JAZF1: variants seen among roughly 807,000 people sequenced by gnomAD.
JAZF1 encodes the protein JAZF zinc finger 1.
In JAZF1, 8 loss-of-function variants were observed where a neutral mutation model predicts 26.4. That is an observed-to-expected ratio of 0.30 (90% CI 0.18 to 0.55). The LOEUF (loss-of-function observed/expected upper bound fraction) is 0.55. Ranked by LOEUF, JAZF1 falls within the 20% of genes least tolerant of loss-of-function variation. The pLI is 0.94. For missense variants in JAZF1, 199 were observed against 322.0 expected (o/e 0.62, Z 2.92); for synonymous variants, 126 against 122.3 (o/e 1.03, Z -0.20).
rs66941633 is a variant in JAZF1, at chr7:27,861,600, G to GT, written c.386-20734dup. Among the ~76,000 whole-genome samples the GT allele has an allele frequency of 7.7e-4, 116 of 150,978 alleles. 1 individual carries two copies. Among genetic ancestry groups the GT allele is most frequent in the African/African-American group, 2.6e-3 (107 of 41,144 alleles). ...TTCTTCTCTCTGTAAGGAGAAGGTT[G>GT]TTGTTTTTATTTTCTCCTGCCCCAT... On this transcript the variant is annotated intron_variant, in intron 3 of 4. Transcript: ENST00000283928.
intron 1 of JAZF1, among the ~76,000 whole-genome samples, chr7:28,114,216 T>A (rs1485738339): frequency 1.3e-5 from 2 of 152,200 alleles, no homozygotes; most frequent in Non-Finnish European, 2.9e-5. Flanking sequence ...GAGCTGGCCA[T>A]GCTCCACTGA....
intron 2 of JAZF1, among the ~76,000 whole-genome samples, chr7:27,930,002 TTC>T (rs1236453947): frequency 1.3e-5 from 2 of 150,780 alleles, no homozygotes; most frequent in African/African-American, 4.9e-5. Context: ...CTCTCTTTCT[TTC>T]TTTCTTTTTG....
At chr7:28,133,487 G>A (rs1045221030) in intron 1 of JAZF1, among the ~76,000 whole-genome samples, 2 of 152,118 alleles carry the variant, frequency 1.3e-5, no homozygotes, top group Admixed American at 6.5e-5. Flanking sequence ...ATCCAGGAAA[G>A]AAAACAAATG....
chr7:28,112,961 G>A (rs553097176), intron 1 of JAZF1, among the ~76,000 whole-genome samples: 1 of 152,250 alleles, frequency 6.6e-6, no homozygotes, highest in South Asian at 2.1e-4. Context: ...AGCCTCTCCA[G>A]GGAGAAACTG....
intron 2 of JAZF1, among the ~76,000 whole-genome samples, chr7:27,902,390 T>G (rs557602910): frequency 5.3e-5 from 8 of 152,352 alleles, no homozygotes; most frequent in Non-Finnish European, 8.8e-5. Context: ...TAACAAAATA[T>G]GATGGTCATG....
At chr7:27,844,408 G>C (rs1220952023) in intron 3 of JAZF1, 1 of 152,160 alleles carries the variant, frequency 6.6e-6, no homozygotes, top group Non-Finnish European at 1.5e-5. Context: ...ACTCACTGCA[G>C]AATGAACAAA....
intron 1 of JAZF1, among the ~76,000 whole-genome samples, chr7:28,121,328 A>T (rs1185112891): frequency 6.6e-6 from 1 of 152,186 alleles, no homozygotes; most frequent in Non-Finnish European, 1.5e-5. Flanking sequence ...TGTTACCCTC[A>T]GCTAGAGGTA....
chr7:28,135,576 A>C (rs1024361289), intron 1 of JAZF1, among the ~76,000 whole-genome samples: 8 of 152,176 alleles, frequency 5.3e-5, no homozygotes, highest in Non-Finnish European at 1.2e-4. Context: ...ACCGCCCCCC[A>C]CACATGGACA....
chr7:27,866,681 A>T (rs1255432103), intron 3 of JAZF1, among the ~76,000 whole-genome samples: 1 of 152,206 alleles, frequency 6.6e-6, no homozygotes. Context: ...TCTAATTCGA[A>T]TTATCTGCCT....
intron 1 of JAZF1, among the ~76,000 whole-genome samples, chr7:28,015,179 C>A (rs772912716): frequency 6.6e-6 from 1 of 152,038 alleles, no homozygotes; most frequent in Non-Finnish European, 1.5e-5. Context: ...AGCACCTCGG[C>A]ATAGCTTTTC....
chr7:28,081,374 G>A (rs948541320), intron 1 of JAZF1, among the ~76,000 whole-genome samples: 4 of 152,222 alleles, frequency 2.6e-5, no homozygotes, highest in African/African-American at 9.7e-5. Flanking sequence ...CTGGGGGGCT[G>A]TGCCTGCAGA....
chr7:28,034,535 T>C (rs1207234239), intron 1 of JAZF1, among the ~76,000 whole-genome samples: 2 of 151,802 alleles, frequency 1.3e-5, no homozygotes, highest in South Asian at 2.1e-4. Context: ...GAGCATTTAA[T>C]ATTCACATTC....
chr7:28,038,888 C>A (rs934845210), intron 1 of JAZF1, among the ~76,000 whole-genome samples: 2 of 152,306 alleles, frequency 1.3e-5, no homozygotes, highest in South Asian at 2.1e-4. Context: ...GTACAAAAAA[C>A]CATGCTCATG....
At chr7:27,891,324 C>T (rs1455975884) in intron 3 of JAZF1, among the ~76,000 whole-genome samples, 1 of 152,148 alleles carries the variant, frequency 6.6e-6, no homozygotes, top group Non-Finnish European at 1.5e-5. Context: ...TTGCACATTA[C>T]AATGGCAAAG....
intron 1 of JAZF1, among the ~76,000 whole-genome samples, chr7:28,133,726 G>A (rs1782836788): frequency 6.6e-6 from 1 of 152,138 alleles, no homozygotes; most frequent in South Asian, 2.1e-4. Flanking sequence ...CAGTGTTCTA[G>A]CCATATGGGT....
intron 1 of JAZF1, among the ~76,000 whole-genome samples, chr7:28,030,888 T>G (rs1015147224): frequency 2.6e-5 from 4 of 152,198 alleles, no homozygotes; most frequent in African/African-American, 9.6e-5. Flanking sequence ...ACTGCCCCCA[T>G]GATAAAGATA....
chr7:28,149,862 C>A (rs558373191), intron 1 of JAZF1, among the ~76,000 whole-genome samples: 3 of 152,272 alleles, frequency 2.0e-5, no homozygotes, highest in African/African-American at 7.2e-5. Context: ...GAAATAAACA[C>A]CCTGATGAAA....
intron 1 of JAZF1, among the ~76,000 whole-genome samples, chr7:28,032,493 G>C (rs888603248): frequency 6.6e-6 from 1 of 152,084 alleles, no homozygotes; most frequent in Non-Finnish European, 1.5e-5. Flanking sequence ...CTCTGCCCTG[G>C]CATGTTTGTA....
chr7:27,833,923 C>T (rs1048355550), intron 4 of JAZF1, among the ~76,000 whole-genome samples: 6 of 152,020 alleles, frequency 3.9e-5, no homozygotes, highest in African/African-American at 1.4e-4. Context: ...GGACGGCGGA[C>T]GTGTGGTATT....
Sources: gnomAD v4.1 joint callset for allele counts (sites outside exome capture counted in the v4.1 genomes callset) on GRCh38, gnomAD v4.1.1 for gene constraint, MANE v1.5 for transcripts, NCBI Gene and HGNC (gene_info 2026-07-23, HGNC 2026-07-21) for gene names.